Variants in CDC73 observed in about 807,000 individuals in gnomAD.
CDC73 encodes cell division cycle 73.
A neutral mutation model predicts 83.7 loss-of-function variants in CDC73; 21 were observed. The ratio of observed to expected loss-of-function variants is 0.25; its 90% CI spans 0.18 to 0.36. The LOEUF (loss-of-function observed/expected upper bound fraction) is 0.36. Among genes scored for constraint, CDC73 ranks in the 10% least tolerant of loss-of-function variants. The probability of loss-of-function intolerance (pLI) is 1.00; values close to 1 mark genes in which losing one functional copy is unlikely to be tolerated. For missense variants in CDC73, 342 were observed against 653.3 expected (o/e 0.52, Z 5.19); for synonymous variants, 224 against 212.9 (o/e 1.05, Z -0.45).
chr1:193,239,514 A>C (rs373766618), intron 15 of CDC73, among the ~76,000 whole-genome samples: 25 of 152,198 alleles, frequency 1.6e-4, no homozygotes, highest in East Asian at 9.6e-4. Context: ...AAATCTTTAC[A>C]AATTTAGAAT....
chr1:193,154,845 T>C (rs573137673), intron 10 of CDC73, among the ~76,000 whole-genome samples: 1 of 152,324 alleles, frequency 6.6e-6, no homozygotes, highest in Non-Finnish European at 1.5e-5. Flanking sequence ...GCACCAACTT[T>C]CTACCTTATT....
At position 193,122,229 on chromosome 1, in the gene CDC73, A is replaced by G; in HGVS notation, c.29A>G (p.Gln10Arg). 1 of 1,614,220 alleles carries G rather than the reference A, an allele frequency of 6.2e-7. No homozygotes were observed. Residue 10 changes from glutamine to arginine, a missense_variant, in exon 1 of 17, where the codon CAG becomes CGG. Physicochemically the swap from Gln to Arg is conservative, Grantham distance 43 (BLOSUM62 1). Around this residue, in one of 3 missense-constraint regions of CDC73, gnomAD observed 99 missense variants for 174.5 expected, o/e 0.57. Transcript: ENST00000367435. ...GCGGACGTGCTTAGCGTCCTGCGAC[A>G]GTACAACATCCAGAAGAAGGAGATT... The part of the protein sequence containing the change: MADVLSVLR[Q>R]YNIQKKEIVV...
intron 1 of CDC73, among the ~76,000 whole-genome samples, chr1:193,124,180 A>G (rs1423554145): frequency 3.3e-5 from 5 of 152,250 alleles, no homozygotes; most frequent in African/African-American, 4.8e-5. Flanking sequence ...AGTTTATCAC[A>G]CCAAGAAATT....
At chr1:193,199,959 T>A (rs1277218506) in intron 10 of CDC73, among the ~76,000 whole-genome samples, 1 of 151,692 alleles carries the variant, frequency 6.6e-6, no homozygotes, top group Admixed American at 6.6e-5. Context: ...ATAAAAACTT[T>A]CAGGCCAAGC....
intron 15 of CDC73, among the ~76,000 whole-genome samples, chr1:193,241,899 T>A (rs908614060): frequency 6.6e-6 from 1 of 152,144 alleles, no homozygotes; most frequent in Non-Finnish European, 1.5e-5. Flanking sequence ...CTACCAGCAC[T>A]TGGGTCCTGC....
intron 6 of CDC73, 44 bp downstream of exon 6, chr1:193,138,217 G>A (rs1675835257): frequency 8.1e-7 from 1 of 1,238,192 alleles, no homozygotes; most frequent in African/African-American, 1.5e-5. Flanking sequence ...TTAGATATAT[G>A]TAAAAGTATA....
chr1:193,192,956 T>C (rs918285852), intron 10 of CDC73, among the ~76,000 whole-genome samples: 1 of 152,204 alleles, frequency 6.6e-6, no homozygotes, highest in South Asian at 2.1e-4. Flanking sequence ...TAACTCAAGG[T>C]AAGAGAATTA....
chr1:193,235,346 A>C (rs895297771), intron 14 of CDC73, among the ~76,000 whole-genome samples: 1 of 152,258 alleles, frequency 6.6e-6, no homozygotes, highest in East Asian at 1.9e-4. Context: ...TGAGGTTTCT[A>C]ATACAGTGAG....
intron 13 of CDC73, among the ~76,000 whole-genome samples, chr1:193,228,354 A>C (rs1677599692): frequency 6.6e-6 from 1 of 152,154 alleles, no homozygotes. Flanking sequence ...AAATATCTTC[A>C]AAAAAGATAC....
rs1170697980 is a variant in CDC73 at position 193,141,889 on chromosome 1, A to C, written c.552A>C (p.Ala184=). The C allele has an allele frequency of 6.2e-7, 1 of 1,613,648 alleles. No homozygotes were observed. Among genetic ancestry groups the C allele is most frequent in the African/African-American group, 1.3e-5 (1 of 74,908 alleles). The change falls in exon 7 of 17, where the codon GCA becomes GCC. Residue 184 remains alanine, a synonymous_variant. Transcript: ENST00000367435. ...CTATGTCAGTGGAAAAAATTGCTGCAATCAAAGCCAAAATTATGGCTAAGA... is the reference window on the plus strand; with the variant it reads ...CTATGTCAGTGGAAAAAATTGCTGCCATCAAAGCCAAAATTATGGCTAAGA... ...SEAMSVEKIA[A]IKAKIMAKKR...
In CDC73 at chr1:193,181,011, T is replaced by G; in HGVS notation, c.973-22784T>G. ...AGCCCAACAAAAATATTCTTGTGATTTGAATACCAGGTGCTAGACTTTCAT... is the reference window on the plus strand; with the variant it reads ...AGCCCAACAAAAATATTCTTGTGATGTGAATACCAGGTGCTAGACTTTCAT... On this transcript the variant is annotated intron_variant, in intron 10 of 16. Transcript: ENST00000367435. 2 of 1,613,796 alleles carry G rather than the reference T, an allele frequency of 1.2e-6. No homozygotes were observed. Among genetic ancestry groups the G allele is most frequent in the African/African-American group, 2.7e-5 (2 of 75,052 alleles).
At chr1:193,207,297 A>G (rs921440004) in intron 11 of CDC73, among the ~76,000 whole-genome samples, 4 of 152,222 alleles carry the variant, frequency 2.6e-5, no homozygotes, top group African/African-American at 7.2e-5. Context: ...CAAAGGCAAG[A>G]TTAGAATTAC....
chr1:193,190,814 A>G (rs1676905680), intron 10 of CDC73, among the ~76,000 whole-genome samples: 2 of 152,190 alleles, frequency 1.3e-5, no homozygotes, highest in South Asian at 2.1e-4. Context: ...GTCAGGAATA[A>G]TACTCTTAGA....
intron 10 of CDC73, among the ~76,000 whole-genome samples, chr1:193,152,757 A>G (rs1490239217): frequency 6.6e-6 from 1 of 151,930 alleles, no homozygotes; most frequent in Non-Finnish European, 1.5e-5. Context: ...TTTTCGCATA[A>G]TATCTTTTGT....
chr1:193,184,320 CT>C (rs1676769158), intron 10 of CDC73, among the ~76,000 whole-genome samples: 1 of 151,788 alleles, frequency 6.6e-6, no homozygotes, highest in Non-Finnish European at 1.5e-5. Flanking sequence ...ACCATGCCTG[CT>C]TTTTATTAAA....
At chr1:193,191,594 C>T (rs1676919477) in intron 10 of CDC73, among the ~76,000 whole-genome samples, 1 of 151,976 alleles carries the variant, frequency 6.6e-6, no homozygotes, top group African/African-American at 2.4e-5. Flanking sequence ...CGTCATGTTG[C>T]AGGCTGGTCT....
rs1483182267 is a variant in CDC73, at chr1:193,251,874, A to T, written c.*1162A>T. The T allele has an allele frequency of 1.3e-5, 3 of 231,194 alleles. No individual in the cohort carries two copies. The highest frequency in any genetic ancestry group is 2.6e-5 in the Non-Finnish European group (3 of 116,946). The allele number at this position is 231,194 out of a possible 1,614,324, so 14.3% of individuals were successfully genotyped here. On this transcript the variant is annotated 3_prime_UTR_variant, in exon 17 of 17. Transcript: ENST00000367435. ...TTTTTTTTCCTTAAAGGCAACTAGG[A>T]AGCTTTACTTTCCTAAAGTGTTTTT...
intron 13 of CDC73, among the ~76,000 whole-genome samples, chr1:193,222,138 A>G (rs1677482120): frequency 6.6e-6 from 1 of 152,210 alleles, no homozygotes; most frequent in African/African-American, 2.4e-5. Flanking sequence ...TATAAACATG[A>G]TCATGAAAGT....
At chr1:193,237,800 G>GA (rs1677789034) in intron 15 of CDC73, among the ~76,000 whole-genome samples, 1 of 152,102 alleles carries the variant, frequency 6.6e-6, no homozygotes, top group South Asian at 2.1e-4. Flanking sequence ...GCACGTCCAG[G>GA]AAAAAACCTG....
Sources: allele counts gnomAD v4.1 joint callset (sites outside exome capture counted in the v4.1 genomes callset), GRCh38; gene constraint gnomAD v4.1.1; regional missense constraint gnomAD v4.1.1; transcripts MANE v1.5; gene names NCBI Gene and HGNC (gene_info 2026-07-23, HGNC 2026-07-21).